The following MBNL3 variants were observed in gnomAD, a reference collection of about 807,000 sequenced individuals.
MBNL3 encodes the protein muscleblind like splicing regulator 3.
In MBNL3, 6 loss-of-function variants were observed where a neutral mutation model predicts 24.5. The observed-to-expected ratio is 0.25, with a 90% CI of 0.13 to 0.48. The LOEUF is 0.48. Among genes scored for constraint, MBNL3 ranks in the 20% least tolerant of loss-of-function variants. The probability of loss-of-function intolerance (pLI) is 0.99; values close to 1 mark genes in which losing one functional copy is unlikely to be tolerated. For missense variants in MBNL3, 230 were observed against 293.5 expected, an observed-to-expected ratio of 0.78 and a Z score of 1.58; for synonymous variants, 100 against 101.7, an observed-to-expected ratio of 0.98 and a Z score of 0.10.
chrX:132,456,625 A>C (rs1350995972), intron 1 of MBNL3, among the ~76,000 whole-genome samples: 2 of 112,072 alleles, frequency 1.8e-5, no homozygotes, highest in African/African-American at 6.5e-5. Context: ...AAACCAAATC[A>C]GTCTTTCACA....
rs1478076743 is a variant in MBNL3 at position 132,371,402 on chromosome X, G to A, written c.*8264C>T. 1.8e-5 allele frequency: 2 copies of A among 112,215 alleles called. No individual in the cohort carries two copies. The highest frequency in any genetic ancestry group is 1.9e-5 in the Non-Finnish European group (1 of 53,188). The allele number at this position is 112,215 out of a possible 1,213,427, so 9.2% of individuals were successfully genotyped here. On this transcript the variant is annotated 3_prime_UTR_variant, in exon 9 of 9. Transcript: ENST00000370853. ...GCATTTTGAAATAAGGCAGAATAAA[G>A]TATTACTAAATTACATTTACTTTCT...
intron 3 of MBNL3, among the ~76,000 whole-genome samples, chrX:132,400,173 G>A (rs1009555600): frequency 9.0e-6 from 1 of 111,317 alleles, no homozygotes; most frequent in Admixed American, 9.6e-5. Context: ...GTATACATAT[G>A]TAACTAACCT....
At chrX:132,447,577 G>A (rs931928206) in intron 1 of MBNL3, among the ~76,000 whole-genome samples, 4 of 111,957 alleles carry the variant, frequency 3.6e-5, no homozygotes, top group Non-Finnish European at 7.5e-5. Context: ...GGATAGGAAT[G>A]CTTGTGATTT....
upstream of MBNL3, chrX:132,489,070 T>C (rs1948159116): frequency 8.8e-6 from 1 of 113,061 alleles, no homozygotes; most frequent in South Asian, 3.7e-4. Context: ...TATAAGCAAA[T>C]TAAAGCCCGC....
chrX:132,400,389 C>T (rs1205805579), intron 3 of MBNL3, among the ~76,000 whole-genome samples: 1 of 111,116 alleles, frequency 9.0e-6, no homozygotes, highest in East Asian at 2.8e-4. Flanking sequence ...TTTGTTTTAA[C>T]GTAAAAGAAG....
At chrX:132,447,173 G>T (rs775493675) in intron 1 of MBNL3, among the ~76,000 whole-genome samples, 20 of 111,903 alleles carry the variant, frequency 1.8e-4, no homozygotes, top group African/African-American at 6.5e-4. Flanking sequence ...AGTATAGTTT[G>T]AAGTCAGGTA....
At chrX:132,399,683 A>T (rs1940514153) in intron 3 of MBNL3, among the ~76,000 whole-genome samples, 1 of 109,953 alleles carries the variant, frequency 9.1e-6, no homozygotes, top group South Asian at 3.9e-4. Context: ...ATTACAGGAT[A>T]TTAAGGCAAA....
chrX:132,439,389 A>C (rs1431008593), intron 2 of MBNL3, 46 bp downstream of exon 2: 1 of 1,087,691 alleles, frequency 9.2e-7, no homozygotes, highest in African/African-American at 1.9e-5. Context: ...TTCAAAAAAC[A>C]TAGAAATCAA....
chrX:132,489,739 A>T (rs1168619389), upstream of MBNL3: 7 of 107,708 alleles, frequency 6.5e-5, no homozygotes, highest in Non-Finnish European at 1.4e-4. Flanking sequence ...GGAGCGCCGG[A>T]CTCGGAAGCG....
chrX:132,379,701 A>G, intron 8 of MBNL3, 24 bp from the exon 9 acceptor site: 1 of 1,124,335 alleles, frequency 8.9e-7, no homozygotes, highest in Non-Finnish European at 1.2e-6. Context: ...AAAAAGAAAG[A>G]AAGAAAGAGT....
At chrX:132,443,730 A>G (rs1945509231) in intron 1 of MBNL3, among the ~76,000 whole-genome samples, 1 of 111,683 alleles carries the variant, frequency 9.0e-6, no homozygotes, top group Admixed American at 9.5e-5. Context: ...TACACCAAGC[A>G]CTATGATTTA....
intron 2 of MBNL3, among the ~76,000 whole-genome samples, chrX:132,420,470 G>A (rs552811432): frequency 9.9e-5 from 11 of 111,666 alleles, no homozygotes; most frequent in South Asian, 7.7e-4. Flanking sequence ...TAAAATGGGA[G>A]GGGACCCAAA....
At chrX:132,448,754 C>T (rs1459256358) in intron 1 of MBNL3, among the ~76,000 whole-genome samples, 1 of 111,891 alleles carries the variant, frequency 8.9e-6, no homozygotes, top group East Asian at 2.8e-4. Context: ...TTAGATCTTT[C>T]CCGCTTTCTC....
chrX:132,403,427 A>C (rs186231778), intron 3 of MBNL3, among the ~76,000 whole-genome samples: 1 of 112,022 alleles, frequency 8.9e-6, no homozygotes, highest in Non-Finnish European at 1.9e-5. Flanking sequence ...CTTCTAAGTA[A>C]TGCCTTGTAT....
chrX:132,424,413 G>A, intron 2 of MBNL3, among the ~76,000 whole-genome samples: 2 of 111,544 alleles, frequency 1.8e-5, no homozygotes, highest in Middle Eastern at 9.2e-3. Context: ...GGTAACTAGT[G>A]GTGCATGTTT....
intron 1 of MBNL3, among the ~76,000 whole-genome samples, 137 bp from the exon 2 acceptor site, chrX:132,440,451 C>A (rs994741437): frequency 2.7e-5 from 3 of 112,038 alleles, no homozygotes; most frequent in Non-Finnish European, 3.8e-5. Context: ...ATAGTACAGT[C>A]AGCCATTGTC....
At chrX:132,451,441 G>A (rs987363227) in intron 1 of MBNL3, among the ~76,000 whole-genome samples, 5 of 111,650 alleles carry the variant, frequency 4.5e-5, no homozygotes, top group Non-Finnish European at 7.5e-5. Context: ...CACACAGTTC[G>A]AACTTTGAGG....
At chrX:132,473,656 T>C (rs1368613199) in intron 1 of MBNL3, among the ~76,000 whole-genome samples, 1 of 111,178 alleles carries the variant, frequency 9.0e-6, no homozygotes, top group African/African-American at 3.3e-5. Context: ...TGTATACATA[T>C]GTTTATATAT....
chrX:132,396,795 TTC>T (rs1205620181), intron 3 of MBNL3, among the ~76,000 whole-genome samples: 25 of 10,648 alleles, frequency 2.3e-3, no homozygotes, highest in East Asian at 6.7e-3. Flanking sequence ...CATATATATA[TTC>T]ATATATATTC....
Sources: gnomAD v4.1 joint callset for allele counts (sites outside exome capture counted in the v4.1 genomes callset) on GRCh38, gnomAD v4.1.1 for gene constraint, MANE v1.5 for transcripts, NCBI Gene and HGNC (gene_info 2026-07-23, HGNC 2026-07-21) for gene names.